HKDC1: variants seen among roughly 807,000 people sequenced by gnomAD.
HKDC1 encodes the protein hexokinase domain containing 1.
In HKDC1, 66 loss-of-function variants were observed where a neutral mutation model predicts 96.6. The ratio of observed to expected loss-of-function variants is 0.68; its 90% CI spans 0.56 to 0.84. The LOEUF is 0.84. Ranked by LOEUF, HKDC1 falls within the 40% of genes least tolerant of loss-of-function variation. HKDC1 has a pLI of 0.00. For missense variants in HKDC1, 1,211 were observed against 1,208.1 expected (o/e 1.00, Z -0.04); for synonymous variants, 466 against 473.1 (o/e 0.98, Z 0.20).
chr10:69,257,209 T>G, intron 13 of HKDC1, 78 bp downstream of exon 13: 1 of 1,462,284 alleles, frequency 6.8e-7, no homozygotes, highest in African/African-American at 1.4e-5. Flanking sequence ...CTCTGCCCAG[T>G]TCCTATGACT....
chr10:69,246,303 TGTGGTA>T, intron 8 of HKDC1, 69 bp downstream of exon 8: 1 of 1,552,786 alleles, frequency 6.4e-7, no homozygotes, highest in Non-Finnish European at 8.9e-7. Flanking sequence ...GGGTGCTCCA[TGTGGTA>T]GGACAGCAGG....
In HKDC1 at chr10:69,220,514, G is replaced by A. The variant is rs940957024; in HGVS notation, c.63+16G>A. The A allele has an allele frequency of 3.2e-6, 5 of 1,551,136 alleles. 1 individual carries two copies. The South Asian group carries it at 4.8e-5, about 15-fold the overall frequency. ...GATCAAGAAGGTAAGGAGGACCCAC[G>A]AAGCTGAGAGATGCCCAGCTCCTTC... On this transcript the variant is annotated intron_variant, in intron 1 of 17. Coordinates refer to ENST00000354624, the MANE Select transcript of HKDC1 (RefSeq NM_025130.4).
chr10:69,257,807 G>T (rs1422611692), intron 14 of HKDC1, among the ~76,000 whole-genome samples: 6 of 152,150 alleles, frequency 3.9e-5, no homozygotes, highest in African/African-American at 1.4e-4. Flanking sequence ...GGTTCTCAGG[G>T]TGCACAGGAA....
At chr10:69,243,476 C>A in intron 7 of HKDC1, 111 bp downstream of exon 7, 76 of 780,610 alleles carry the variant, frequency 9.7e-5, no homozygotes, top group Non-Finnish European at 1.4e-4. Flanking sequence ...TCCATCACAA[C>A]TTTCTTTCTT....
rs1444586536 is a variant in HKDC1, at chr10:69,257,149, G to A, written c.1932+18G>A. 7.5e-6 allele frequency: 12 copies of A among 1,603,148 alleles called. No homozygotes were observed. Among genetic ancestry groups the A allele is most frequent in the African/African-American group, 1.3e-5 (1 of 74,804 alleles). ...GGAGAAACGTAGGATGTGGTGTTGAGGCTCATGCCTGCTCTTGCTGCCTTC... is the reference window on the plus strand; with the variant it reads ...GGAGAAACGTAGGATGTGGTGTTGAAGCTCATGCCTGCTCTTGCTGCCTTC... On this transcript the variant is annotated intron_variant, in intron 13 of 17. Coordinates refer to ENST00000354624, the MANE Select transcript of HKDC1 (RefSeq NM_025130.4).
chr10:69,260,533 C>T (rs568631697), intron 15 of HKDC1, among the ~76,000 whole-genome samples: 1 of 152,290 alleles, frequency 6.6e-6, no homozygotes, highest in African/African-American at 2.4e-5. Flanking sequence ...TGTTAATTCC[C>T]TTAGGCTGAT....
At chr10:69,249,776 GGCGTGAGCCACC>G (rs1216911097) in intron 10 of HKDC1, among the ~76,000 whole-genome samples, 2 of 152,210 alleles carry the variant, frequency 1.3e-5, no homozygotes, top group Non-Finnish European at 2.9e-5. Flanking sequence ...TGGGATTACA[GGCGTGAGCCACC>G]GCGCCAGACC....
In HKDC1 at chr10:69,248,682, G is replaced by A. The variant is rs984799626; in HGVS notation, c.1524G>A (p.Thr508=). 1.2e-6 allele frequency: 2 copies of A among 1,613,770 alleles called. No individual in the cohort carries two copies. The highest frequency in any genetic ancestry group is 8.5e-7 in the Non-Finnish European group (1 of 1,179,840). Residue 508 remains threonine (T), a synonymous_variant, in exon 10 of 18, where the codon ACG becomes ACA. Coordinates refer to ENST00000354624, the MANE Select transcript of HKDC1 (RefSeq NM_025130.4). ...GLKKKSHGLA[T]VRMLPTYVCG... is the part of the protein sequence containing the mutation. ...AGAAGAAGAGCCACGGGCTGGCCAC[G>A]GTCAGGATGCTGCCCACCTACGTCT...
In HKDC1 at chr10:69,257,354, G is replaced by T. The variant is rs772860598; in HGVS notation, c.1960G>T (p.Val654Leu). ...NEFDLDIVAV[V>L]NDTVGTMMTC... Reference sequence around the variant, plus strand: ...GTTTGACCTGGACATTGTTGCAGTCGTGAATGATACAGTGGGGACCATGAT... The same window carrying T: ...GTTTGACCTGGACATTGTTGCAGTCTTGAATGATACAGTGGGGACCATGAT... Residue 654 changes from valine to leucine, a missense_variant, in exon 14 of 18, where the codon GTG becomes TTG. Coordinates refer to ENST00000354624, the MANE Select transcript of HKDC1 (RefSeq NM_025130.4). 1.2e-6 allele frequency: 2 copies of T among 1,613,856 alleles called. No homozygotes were observed. Among genetic ancestry groups the T allele is most frequent in the Non-Finnish European group, 1.7e-6 (2 of 1,179,732 alleles).
At chr10:69,233,241 G>A in intron 4 of HKDC1, 108 bp downstream of exon 4, 1 of 1,453,340 alleles carries the variant, frequency 6.9e-7, no homozygotes, top group Non-Finnish European at 9.3e-7. Flanking sequence ...TTTCTTGTTT[G>A]TCTTTTTCTT....
chr10:69,224,903 C>CTGGG (rs1843123642), intron 1 of HKDC1, among the ~76,000 whole-genome samples: 1 of 152,312 alleles, frequency 6.6e-6, no homozygotes, highest in Non-Finnish European at 1.5e-5. Context: ...CCCTTAGTGC[C>CTGGG]TGGGACGTGT....
chr10:69,233,189 C>A, intron 4 of HKDC1, 56 bp downstream of exon 4: 1 of 1,607,138 alleles, frequency 6.2e-7, no homozygotes, highest in Non-Finnish European at 8.5e-7. Flanking sequence ...AATGTGGGCA[C>A]GGGTGGGAGT....
intron 5 of HKDC1, among the ~76,000 whole-genome samples, chr10:69,239,746 C>T (rs1264219808): frequency 6.7e-6 from 1 of 149,876 alleles, no homozygotes; most frequent in Non-Finnish European, 1.5e-5. Flanking sequence ...CCTGCATTTT[C>T]CCTTATTGTT....
At position 69,267,495 on chromosome 10, in the gene HKDC1, G is replaced by A. The variant is rs1362222073; in HGVS notation, c.*738G>A. ...TGCAGGTGTTGATAGTTGTTTTAAG[G>A]ATTGTTAGGTATAGGAAATCCAGTA... On this transcript the variant is annotated 3_prime_UTR_variant, in exon 18 of 18. Transcript: ENST00000354624. 2 of 455,658 alleles carry A rather than the reference G, an allele frequency of 4.4e-6. No individual in the cohort carries two copies. The highest frequency in any genetic ancestry group is 1.6e-5 in the South Asian group (1 of 64,356). The allele number at this position is 455,658 out of a possible 1,614,324, so 28.2% of individuals were successfully genotyped here. A position where few individuals can be genotyped will look rare whatever the true frequency, so the allele number is the denominator to read the frequency against.
rs762100434 is a variant in HKDC1, at chr10:69,248,545, G to A, written c.1387G>A (p.Val463Met). ...CATGGTGACCGCGGTGGCCTCCCGC[G>A]TGCAGGCCCAGCGGAAGCAGATCGA... ...AAMVTAVASR[V>M]QAQRKQIDRV... The change falls in exon 10 of 18, where the codon GTG (valine) becomes ATG (methionine). Residue 463 changes from valine (V) to methionine (M), a missense_variant. By Grantham distance (21) the Val-to-Met change is conservative. Transcript: ENST00000354624. 8.1e-6 allele frequency: 13 copies of A among 1,613,968 alleles called. No homozygotes were observed. The highest frequency in any genetic ancestry group is 6.7e-5 in the African/African-American group (5 of 74,946).
At chr10:69,235,208 C>T (rs1398602953) in intron 4 of HKDC1, among the ~76,000 whole-genome samples, 1 of 152,016 alleles carries the variant, frequency 6.6e-6, no homozygotes. Context: ...GATCACCTGA[C>T]ATCAGGAGTT....
At chr10:69,229,787 A>C (rs889448678) in intron 2 of HKDC1, among the ~76,000 whole-genome samples, 8 of 152,074 alleles carry the variant, frequency 5.3e-5, no homozygotes, top group African/African-American at 1.7e-4. Context: ...AAAGCATCTC[A>C]CCAGTGATTC....
Position 69,252,889 on chromosome 10 carries a change from C to A in HKDC1, c.1836+2237C>A, listed in dbSNP as rs111498198. ...GTGACTCATGTCTGTAATCCTAGCA[C>A]CGTGGGAGGCCAAGATGGGAGGATC... On this transcript the variant is annotated intron_variant, in intron 12 of 17. Transcript: ENST00000354624. Among the ~76,000 whole-genome samples, 542 of 151,826 alleles carry A rather than the reference C, an allele frequency of 3.6e-3. 5 individuals carry two copies. The highest frequency in any genetic ancestry group is 0.012 in the African/African-American group (505 of 41,418).
intron 2 of HKDC1, among the ~76,000 whole-genome samples, chr10:69,227,827 A>G (rs1843186018): frequency 6.6e-6 from 1 of 152,152 alleles, no homozygotes; most frequent in South Asian, 2.1e-4. Context: ...CACCTAGTGT[A>G]GCACTGGGAA....
Sources: gnomAD v4.1 joint callset for allele counts (sites outside exome capture counted in the v4.1 genomes callset) on GRCh38, gnomAD v4.1.1 for gene constraint, MANE v1.5 for transcripts, NCBI Gene and HGNC (gene_info 2026-07-23, HGNC 2026-07-21) for gene names.